The following ARRDC3 variants were observed in gnomAD, a reference collection of about 807,000 sequenced individuals.
ARRDC3 encodes arrestin domain containing 3.
Under a neutral mutation model 47.2 loss-of-function variants are expected in ARRDC3, and 10 were observed. The observed-to-expected ratio is 0.21, with a 90% CI of 0.13 to 0.36. The LOEUF (loss-of-function observed/expected upper bound fraction) is 0.36. Ranked by LOEUF, ARRDC3 falls within the 10% of genes least tolerant of loss-of-function variation. The pLI is 1.00. For synonymous variants in ARRDC3, 156 were observed against 178.3 expected, an observed-to-expected ratio of 0.87 and a Z score of 1.00; for missense variants, 381 against 503.6, an observed-to-expected ratio of 0.76 and a Z score of 2.33.
At position 91,382,822 on chromosome 5, in the gene ARRDC3, G is replaced by C; in HGVS notation, c.271C>G (p.His91Asp). ...AATAACAAAAACTTACCTCTTTCGT[G>C]CCCAATTAAGATGTCTTTATGGTTG... Reference protein sequence around the residue: ...YFNHKDILIGHERDDDNSEEG... With the variant: ...YFNHKDILIGDERDDDNSEEG... Residue 91 changes from histidine to aspartate, a missense_variant, in exon 1 of 8, where the codon CAC becomes GAC. By Grantham distance (81) the His-to-Asp change is moderately conservative (BLOSUM62 -1). Transcript: ENST00000265138. 6.2e-7 allele frequency: 1 copy of C among 1,611,140 alleles called. No homozygotes were observed. The highest frequency in any genetic ancestry group is 8.5e-7 in the Non-Finnish European group (1 of 1,178,676).
chr5:91,376,520 C>T lies in ARRDC3; in HGVS notation c.510+101G>A. The T allele has an allele frequency of 4.9e-6, 5 of 1,026,318 alleles. No individual in the cohort carries two copies. In the African/African-American group the frequency reaches 4.9e-5, roughly 10 times the overall value. 63.6% of individuals were successfully genotyped at this position (1,026,318 alleles called of 1,614,324 possible). A position where few individuals can be genotyped will look rare whatever the true frequency, so the allele number is the denominator to read the frequency against. The stretch of plus-strand genomic sequence containing the variant: ...TATTTATGAAATTTTAAAAGAAAAC[C>T]AGTATTTTTAAATTATGACAACTGC... On this transcript the variant is annotated intron_variant, in intron 3 of 7. Coordinates refer to ENST00000265138, the MANE Select transcript of ARRDC3 (RefSeq NM_020801.4).
intron 5 of ARRDC3, 32 bp downstream of exon 5, chr5:91,374,890 G>A: frequency 1.9e-6 from 3 of 1,600,024 alleles, no homozygotes; most frequent in Non-Finnish European, 2.6e-6. Context: ...AAAGAAAAAA[G>A]AAAGGAAAAA....
chr5:91,374,999 C>T lies in ARRDC3; in HGVS notation c.793G>A (p.Gly265Ser). Reference sequence around the variant, plus strand: ...ACTGGTGGAATTTTCAGCAACTTGCCATTCCACGTCTCTGTCTTTCCAGAT... The same window carrying T: ...ACTGGTGGAATTTTCAGCAACTTGCTATTCCACGTCTCTGTCTTTCCAGAT... ...LSSGKTETWN[G>S]KLLKIPPVSP... is the part of the protein sequence containing the mutation. The change falls in exon 5 of 8, where the codon GGC becomes AGC. Residue 265 changes from glycine to serine, a missense_variant. Gly to Ser is a moderately conservative substitution (Grantham distance 56). Coordinates refer to ENST00000265138, the MANE Select transcript of ARRDC3 (RefSeq NM_020801.4). 3 of 1,614,174 alleles carry T rather than the reference C, an allele frequency of 1.9e-6. No individual in the cohort carries two copies. The East Asian group carries it at 6.7e-5, about 36-fold the overall frequency.
At position 91,371,028 on chromosome 5, in the gene ARRDC3, A is replaced by C; in HGVS notation, c.*372T>G. On this transcript the variant is annotated 3_prime_UTR_variant, in exon 8 of 8. Coordinates refer to ENST00000265138, the MANE Select transcript of ARRDC3 (RefSeq NM_020801.4). ...AAATAGAAAAAAAAAAAAAAAAAAA[A>C]AGAAGCTGTAGTGACGTCGAACCGC... 1 of 176,272 alleles carries C rather than the reference A, an allele frequency of 5.7e-6. No individual in the cohort carries two copies. Among genetic ancestry groups the C allele is most frequent in the Non-Finnish European group, 1.2e-5 (1 of 84,488 alleles). The allele number at this position is 176,272 out of a possible 1,614,324, so 10.9% of individuals were successfully genotyped here.
chr5:91,376,822 A>T, intron 2 of ARRDC3, 54 bp from the exon 3 acceptor site: 1 of 1,501,406 alleles, frequency 6.7e-7, no homozygotes, highest in South Asian at 1.3e-5. Flanking sequence ...TCTAACAATT[A>T]CACAGTAGGT....
rs1799482391 is a variant in ARRDC3 at position 91,382,892 on chromosome 5, G to A, written c.201C>T (p.Ser67=). 6.2e-6 allele frequency: 10 copies of A among 1,614,050 alleles called. No homozygotes were observed. The highest frequency in any genetic ancestry group is 8.5e-6 in the Non-Finnish European group (10 of 1,180,004). Residue 67 remains serine (S), a synonymous_variant, in exon 1 of 8, where the codon TCC becomes TCT. Coordinates refer to ENST00000265138, the MANE Select transcript of ARRDC3 (RefSeq NM_020801.4). ...VRWTESRNAG[S]NTAYTQNYTE... ...TGTAATTCTGTGTATAGGCAGTATTGGAGCCGGCGTTTCTAGATTCAGTCC... is the reference window on the plus strand; with the variant it reads ...TGTAATTCTGTGTATAGGCAGTATTAGAGCCGGCGTTTCTAGATTCAGTCC...
chr5:91,381,838 A>G (rs1799464278), intron 1 of ARRDC3, among the ~76,000 whole-genome samples: 1 of 152,196 alleles, frequency 6.6e-6, no homozygotes, highest in Non-Finnish European at 1.5e-5. Context: ...ATCTGCTGAG[A>G]GCAGAACAAG....
intron 3 of ARRDC3, 98 bp downstream of exon 3, chr5:91,376,523 T>C (rs891147489): frequency 8.4e-6 from 9 of 1,073,504 alleles, no homozygotes; most frequent in East Asian, 2.7e-5. Context: ...AGAAAACCAG[T>C]ATTTTTAAAT....
chr5:91,379,235 G>T (rs1244253499), intron 1 of ARRDC3, among the ~76,000 whole-genome samples: 2 of 135,560 alleles, frequency 1.5e-5, no homozygotes, highest in Non-Finnish European at 3.1e-5. Flanking sequence ...AATAATACCA[G>T]ATGTGAATAG....
At position 91,374,199 on chromosome 5, in the gene ARRDC3, T is replaced by C. The variant is rs759031409; in HGVS notation, c.948A>G (p.Pro316=). Residue 316 remains proline (P), a synonymous_variant, in exon 6 of 8, where the codon CCA becomes CCG. Coordinates refer to ENST00000265138, the MANE Select transcript of ARRDC3 (RefSeq NM_020801.4). The stretch of plus-strand genomic sequence containing the variant: ...TTACACTTGAGGTTCTGCTACCAAA[T>C]GGATGTAGAGGAATGGTACCGATGA... ...PLVIGTIPLH[P]FGSRTSSVSS... is the part of the protein sequence containing the mutation. 10 of 1,613,996 alleles carry C rather than the reference T, an allele frequency of 6.2e-6. No homozygotes were observed. Among genetic ancestry groups the C allele is most frequent in the Admixed American group, 1.7e-5 (1 of 60,018 alleles).
chr5:91,380,666 C>A (rs2287875), intron 1 of ARRDC3: 14,526 of 152,300 alleles, frequency 0.095, 868 homozygotes, highest in African/African-American at 0.16. Flanking sequence ...TCACAGGAGT[C>A]CCCTGACACC....
intron 1 of ARRDC3, 52 bp downstream of exon 1, chr5:91,382,761 G>T: frequency 6.5e-7 from 1 of 1,539,244 alleles, no homozygotes; most frequent in Non-Finnish European, 8.8e-7. Context: ...AACTGAAAAG[G>T]TACGTTTCCA....
At chr5:91,374,519 A>T (rs1582370521) in intron 5 of ARRDC3, among the ~76,000 whole-genome samples, 2 of 152,316 alleles carry the variant, frequency 1.3e-5, no homozygotes, top group Middle Eastern at 6.8e-3. Context: ...ATTTAAAAAA[A>T]TCAAATCCTG....
Position 91,383,144 on chromosome 5 carries a change from G to C in ARRDC3, c.-52C>G, listed in dbSNP as rs1164355648. On this transcript the variant is annotated 5_prime_UTR_variant, in exon 1 of 8. Coordinates refer to ENST00000265138, the MANE Select transcript of ARRDC3 (RefSeq NM_020801.4). ...AATGTAAGACAAAAAAGTCAAGATC[G>C]CATATAAAATGTGATCTTCACTTAA... 1 of 1,482,414 alleles carries C rather than the reference G, an allele frequency of 6.7e-7. No individual in the cohort carries two copies. Among genetic ancestry groups the C allele is most frequent in the Admixed American group, 2.1e-5 (1 of 46,700 alleles). The allele number at this position is 1,482,414 out of a possible 1,614,324, so 91.8% of individuals were successfully genotyped here.
In ARRDC3 at chr5:91,375,050, C is replaced by T; in HGVS notation, c.742G>A (p.Ala248Thr). The T allele has an allele frequency of 3.7e-6, 6 of 1,614,176 alleles. No individual in the cohort carries two copies. Among genetic ancestry groups the T allele is most frequent in the Non-Finnish European group, 5.1e-6 (6 of 1,180,034 alleles). The change falls in exon 5 of 8, where the codon GCT becomes ACT. Residue 248 changes from alanine (A) to threonine (T), a missense_variant. Physicochemically the swap from Ala to Thr is moderately conservative, Grantham distance 58. Transcript: ENST00000265138. ...GATAAGGATTCCCCACGCAAGTTAG[C>T]CACAAGCTGTTTTACTTCCTTCATT... The part of the protein sequence containing the change: ...GKMKEVKQLV[A>T]NLRGESLSSG...
chr5:91,379,292 TAA>T (rs377674022), intron 1 of ARRDC3, among the ~76,000 whole-genome samples: 48 of 107,752 alleles, frequency 4.5e-4, no homozygotes, highest in East Asian at 1.0e-3. Context: ...ATAGACGGAG[TAA>T]AAAAAAAAAA....
intron 1 of ARRDC3, chr5:91,380,927 G>C (rs980806303): frequency 6.6e-6 from 1 of 152,306 alleles, no homozygotes; most frequent in Non-Finnish European, 1.5e-5. Context: ...GAACAAACGT[G>C]AGTACGGGCT....
rs765041082 is a variant in ARRDC3 at position 91,383,126 on chromosome 5, G to C, written c.-34C>G. The C allele has an allele frequency of 2.6e-6, 4 of 1,539,104 alleles. No individual in the cohort carries two copies. The South Asian group carries it at 3.8e-5, about 14-fold the overall frequency. On this transcript the variant is annotated 5_prime_UTR_variant, in exon 1 of 8. Transcript: ENST00000265138. Reference sequence around the variant, plus strand: ...CAAAATCTATAAAAATATAATGTAAGACAAAAAAGTCAAGATCGCATATAA... The same window carrying C: ...CAAAATCTATAAAAATATAATGTAACACAAAAAAGTCAAGATCGCATATAA...
intron 2 of ARRDC3, among the ~76,000 whole-genome samples, chr5:91,377,113 T>C (rs572986007): frequency 5.3e-5 from 8 of 152,324 alleles, no homozygotes; most frequent in African/African-American, 1.9e-4. Context: ...TTGAGAATGG[T>C]TTAACTATTT....
Sources: gnomAD v4.1 joint callset for allele counts (sites outside exome capture counted in the v4.1 genomes callset) on GRCh38, gnomAD v4.1.1 for gene constraint, MANE v1.5 for transcripts, NCBI Gene and HGNC (gene_info 2026-07-23, HGNC 2026-07-21) for gene names.